EFL1: variants seen among roughly 807,000 people sequenced by gnomAD.
EFL1 encodes the protein elongation factor-like GTPase 1.
Under a neutral mutation model 126.7 loss-of-function variants are expected in EFL1, and 76 were observed. That is an observed-to-expected ratio of 0.60 (90% CI 0.50 to 0.73). The LOEUF (loss-of-function observed/expected upper bound fraction) is 0.73, where lower values mean the gene tolerates loss of function less well. Ranked by LOEUF, EFL1 falls within the 30% of genes least tolerant of loss-of-function variation. The probability of loss-of-function intolerance (pLI) is 0.00; values close to 1 mark genes in which losing one functional copy is unlikely to be tolerated. For synonymous variants in EFL1, 410 were observed against 448.4 expected, an observed-to-expected ratio of 0.91 and a Z score of 1.08; for missense variants, 1,128 against 1,343.2, an observed-to-expected ratio of 0.84 and a Z score of 2.50.
intron 18 of EFL1, among the ~76,000 whole-genome samples, chr15:82,149,744 C>A (rs2073887874): frequency 6.6e-6 from 1 of 152,012 alleles, no homozygotes; most frequent in Admixed American, 6.6e-5. Context: ...AGAGTTGTTG[C>A]ATGGAAGAGA....
At chr15:82,149,023 G>A (rs1036552158) in intron 18 of EFL1, among the ~76,000 whole-genome samples, 10 of 151,572 alleles carry the variant, frequency 6.6e-5, no homozygotes, top group Non-Finnish European at 1.3e-4. Context: ...GACTGTTATA[G>A]ATGTAAAGGA....
At chr15:82,193,153 A>T (rs889383726) in intron 15 of EFL1, among the ~76,000 whole-genome samples, 4 of 152,214 alleles carry the variant, frequency 2.6e-5, no homozygotes, top group Admixed American at 6.5e-5. Context: ...TGTATTTTTT[A>T]AAAATGAAAG....
chr15:82,213,935 G>A (rs1278359900), intron 15 of EFL1, among the ~76,000 whole-genome samples: 2 of 152,220 alleles, frequency 1.3e-5, no homozygotes, highest in African/African-American at 4.8e-5. Flanking sequence ...TGGGATTCAA[G>A]TTTATAAAAT....
At chr15:82,174,744 C>T (rs556683704) in intron 15 of EFL1, among the ~76,000 whole-genome samples, 15 of 152,272 alleles carry the variant, frequency 9.9e-5, no homozygotes, top group East Asian at 1.9e-4. Context: ...CACTGCCAAA[C>T]CCTAATCTCC....
At chr15:82,138,621 T>C (rs116987284) in intron 19 of EFL1, 37 bp downstream of exon 19, 39,599 of 1,603,472 alleles carry the variant, frequency 0.025, 559 homozygotes, top group Non-Finnish European at 0.029. Flanking sequence ...TATCCATAGA[T>C]GAGAAGGAAG....
Position 82,228,248 on chromosome 15 carries a change from T to C in EFL1, c.1012A>G (p.Lys338Glu), listed in dbSNP as rs766637684. The C allele has an allele frequency of 2.5e-6, 4 of 1,614,132 alleles. No individual in the cohort carries two copies. In the East Asian group the frequency reaches 6.7e-5, roughly 27 times the overall value. The change falls in exon 10 of 20, where the codon AAA becomes GAA. Residue 338 changes from lysine to glutamate, a missense_variant. By Grantham distance (56) the Lys-to-Glu change is moderately conservative. Transcript: ENST00000268206. ...CTGCAAATGGCGTTGATCTGAACTTTAGGGTCTGAATGTCGTGCCTCCCGG... is the reference window on the plus strand; with the variant it reads ...CTGCAAATGGCGTTGATCTGAACTTCAGGGTCTGAATGTCGTGCCTCCCGG... ...GAREARHSDP[K>E]VQINAICSQW...
chr15:82,259,600 T>C (rs1422481627), intron 2 of EFL1, among the ~76,000 whole-genome samples: 3 of 152,208 alleles, frequency 2.0e-5, no homozygotes, highest in Non-Finnish European at 2.9e-5. Context: ...AAACCTAGTA[T>C]CCAAATCTAA....
rs2073922089 is a variant in EFL1, at chr15:82,152,348, A to G, written c.2106T>C (p.Val702=). The change falls in exon 18 of 20, where the codon GTT becomes GTC. Residue 702 remains valine (V), a synonymous_variant. Coordinates refer to ENST00000268206, the MANE Select transcript of EFL1 (RefSeq NM_024580.6). Reference sequence around the variant, plus strand: ...TGCCTATTTCTTCATTGACCATGTCAACTTTTGGGGGTTTTGTGATTGTTT... The same window carrying G: ...TGCCTATTTCTTCATTGACCATGTCGACTTTTGGGGGTTTTGTGATTGTTT... ...FRETITKPPK[V]DMVNEEIGKQ... is the part of the protein sequence containing the mutation. 1 of 1,613,856 alleles carries G rather than the reference A, an allele frequency of 6.2e-7. No individual in the cohort carries two copies. Among genetic ancestry groups the G allele is most frequent in the Non-Finnish European group, 8.5e-7 (1 of 1,180,024 alleles).
At chr15:82,143,604 T>C (rs926266852) in intron 18 of EFL1, among the ~76,000 whole-genome samples, 1 of 152,176 alleles carries the variant, frequency 6.6e-6, no homozygotes, top group Non-Finnish European at 1.5e-5. Flanking sequence ...TTCAATCAAA[T>C]AGGAGATAAA....
Position 82,145,844 on chromosome 15 carries a change from C to CAAA in EFL1, c.2989+5618_2989+5620dup, listed in dbSNP as rs5814101. 5.0e-4 allele frequency among the ~76,000 whole-genome samples: 69 copies of CAAA among 138,056 alleles called. 1 individual carries two copies. Among genetic ancestry groups the CAAA allele is most frequent in the African/African-American group, 1.6e-3 (61 of 37,588 alleles). 90.6% of individuals were successfully genotyped at this position (138,056 alleles called of 152,430 possible). ...AGAGCGAAACTCCATCTCAAAAAACCAAAAAAAAAAAAAATACCCCAAAAA... is the reference window on the plus strand; with the variant it reads ...AGAGCGAAACTCCATCTCAAAAAACCAAAAAAAAAAAAAAAAATACCCCAAAAA... On this transcript the variant is annotated intron_variant, in intron 18 of 19. Coordinates refer to ENST00000268206, the MANE Select transcript of EFL1 (RefSeq NM_024580.6).
chr15:82,228,599 A>G (rs1479894836), intron 9 of EFL1, among the ~76,000 whole-genome samples: 1 of 152,236 alleles, frequency 6.6e-6, no homozygotes, highest in Non-Finnish European at 1.5e-5. Context: ...AGTCTTACAA[A>G]TAAGTGCTAA....
chr15:82,251,029 T>A (rs1410932273), intron 4 of EFL1, among the ~76,000 whole-genome samples: 1 of 151,742 alleles, frequency 6.6e-6, no homozygotes, highest in Non-Finnish European at 1.5e-5. Context: ...CTGGCCAACA[T>A]GGTGAAACCC....
At chr15:82,180,445 T>C (rs916207279) in intron 15 of EFL1, among the ~76,000 whole-genome samples, 1 of 148,698 alleles carries the variant, frequency 6.7e-6, no homozygotes, top group African/African-American at 2.5e-5. Flanking sequence ...ACTGAAACAC[T>C]GCCTCAAACA....
intron 3 of EFL1, among the ~76,000 whole-genome samples, chr15:82,253,897 T>C (rs765340010): frequency 3.9e-5 from 6 of 152,094 alleles, no homozygotes; most frequent in East Asian, 1.9e-4. Context: ...AGACTAACCT[T>C]CTCCTCCTTT....
chr15:82,251,802 T>C (rs1356353708), intron 4 of EFL1, among the ~76,000 whole-genome samples: 1 of 152,184 alleles, frequency 6.6e-6, no homozygotes, highest in African/African-American at 2.4e-5. Context: ...GTAAGTCCAT[T>C]AGGGAAATAA....
intron 15 of EFL1, among the ~76,000 whole-genome samples, chr15:82,205,117 G>A (rs1202145663): frequency 2.6e-5 from 4 of 152,128 alleles, no homozygotes; most frequent in Admixed American, 2.0e-4. Flanking sequence ...AGAGAAGATG[G>A]TCTCACGAGC....
intron 15 of EFL1, among the ~76,000 whole-genome samples, chr15:82,178,470 T>A (rs1245025111): frequency 1.3e-5 from 2 of 152,198 alleles, no homozygotes; most frequent in Non-Finnish European, 2.9e-5. Flanking sequence ...GAAATGCTCC[T>A]TCCTTGTGCT....
At chr15:82,231,119 G>A in intron 7 of EFL1, 148 bp from the exon 8 acceptor site, 6 of 948,026 alleles carry the variant, frequency 6.3e-6, no homozygotes, top group South Asian at 1.8e-5. Flanking sequence ...GGGTAATGAA[G>A]CAGAGATATC....
At chr15:82,162,857 T>C (rs1316981552) in intron 16 of EFL1, among the ~76,000 whole-genome samples, 2 of 152,198 alleles carry the variant, frequency 1.3e-5, no homozygotes, top group South Asian at 2.1e-4. Context: ...AATGAGGCCA[T>C]TGTACACCTC....
Sources: gnomAD v4.1 joint callset for allele counts (sites outside exome capture counted in the v4.1 genomes callset) on GRCh38, gnomAD v4.1.1 for gene constraint, MANE v1.5 for transcripts, NCBI Gene and HGNC (gene_info 2026-07-23, HGNC 2026-07-21) for gene names.